Variants in CDH13 observed in about 807,000 individuals in gnomAD.
CDH13 encodes cadherin 13, also known as cadherin-13.
Under a neutral mutation model 63.8 loss-of-function variants are expected in CDH13, and 24 were observed. The observed-to-expected ratio is 0.38, with a 90% CI of 0.27 to 0.53. CDH13 has a LOEUF of 0.53. Among genes scored for constraint, CDH13 ranks in the 20% least tolerant of loss-of-function variants. The pLI, the probability that CDH13 is intolerant of heterozygous loss-of-function variation, is 0.85. For synonymous variants in CDH13, 503 were observed against 355.3 expected, an observed-to-expected ratio of 1.42 and a Z score of -4.67; for missense variants, 1,049 against 903.1, an observed-to-expected ratio of 1.16 and a Z score of -2.07.
chr16:83,619,499 G>A (rs567105368), intron 8 of CDH13, among the ~76,000 whole-genome samples: 1 of 152,366 alleles, frequency 6.6e-6, no homozygotes, highest in Non-Finnish European at 1.5e-5. Context: ...GGAGGCAGAA[G>A]TCCAAGAGCA....
intron 7 of CDH13, among the ~76,000 whole-genome samples, chr16:83,540,019 C>T (rs951864854): frequency 6.6e-6 from 1 of 151,786 alleles, no homozygotes; most frequent in Non-Finnish European, 1.5e-5. Context: ...GGTGGTTTGT[C>T]CTGGACAAGA....
chr16:83,509,687 C>A (rs915963863), intron 7 of CDH13, among the ~76,000 whole-genome samples: 7 of 152,174 alleles, frequency 4.6e-5, no homozygotes, highest in African/African-American at 1.4e-4. Flanking sequence ...GGGAATAAGA[C>A]AAATTTGATT....
intron 1 of CDH13, among the ~76,000 whole-genome samples, chr16:82,728,759 A>C (rs1311759127): frequency 6.6e-6 from 1 of 152,152 alleles, no homozygotes; most frequent in Non-Finnish European, 1.5e-5. Context: ...TTTCTTTTAC[A>C]AAAACTTTCT....
At chr16:83,585,547 A>G (rs1906065997) in intron 7 of CDH13, among the ~76,000 whole-genome samples, 1 of 152,054 alleles carries the variant, frequency 6.6e-6, no homozygotes. Context: ...ATTCAGCTGG[A>G]AATGTTGAAC....
chr16:83,643,841 C>G (rs891239787), intron 8 of CDH13, among the ~76,000 whole-genome samples: 4 of 152,244 alleles, frequency 2.6e-5, no homozygotes, highest in Middle Eastern at 3.4e-3. Flanking sequence ...CCTGGAGAGC[C>G]CCCCAAGTTT....
At chr16:83,724,052 G>A (rs948030486) in intron 10 of CDH13, among the ~76,000 whole-genome samples, 3 of 151,710 alleles carry the variant, frequency 2.0e-5, no homozygotes, top group African/African-American at 7.3e-5. Context: ...AGTGGTGAAT[G>A]CGTGGGTGAG....
At chr16:83,384,166 C>G (rs1019814247) in intron 6 of CDH13, among the ~76,000 whole-genome samples, 6 of 152,148 alleles carry the variant, frequency 3.9e-5, no homozygotes, top group Admixed American at 3.3e-4. Flanking sequence ...TTCTAGCCCT[C>G]CTACCTTTCG....
chr16:83,645,983 G>A (rs371520127), intron 8 of CDH13, among the ~76,000 whole-genome samples: 5 of 152,280 alleles, frequency 3.3e-5, no homozygotes, highest in African/African-American at 1.2e-4. Context: ...TAAACTGGGG[G>A]AAATGTCTGC....
At chr16:83,136,650 G>T (rs1186285978) in intron 4 of CDH13, among the ~76,000 whole-genome samples, 1 of 152,110 alleles carries the variant, frequency 6.6e-6, no homozygotes, top group Admixed American at 6.5e-5. Flanking sequence ...CTTCTCTGCC[G>T]GACAGCTTCA....
At chr16:82,684,339 G>T (rs1319604878) in intron 1 of CDH13, among the ~76,000 whole-genome samples, 3 of 152,180 alleles carry the variant, frequency 2.0e-5, no homozygotes, top group African/African-American at 7.2e-5. Context: ...TGGGTCATCA[G>T]TCCCTTAGAT....
At chr16:83,021,567 G>C (rs1486695173) in intron 2 of CDH13, among the ~76,000 whole-genome samples, 1 of 152,142 alleles carries the variant, frequency 6.6e-6, no homozygotes. Flanking sequence ...AGGGTTACAT[G>C]GCAAAAATAG....
chr16:83,673,061 A>C (rs911046659), intron 9 of CDH13, among the ~76,000 whole-genome samples: 1 of 152,212 alleles, frequency 6.6e-6, no homozygotes, highest in Non-Finnish European at 1.5e-5. Context: ...TGAATAATAT[A>C]CAGTACTATA....
intron 4 of CDH13, among the ~76,000 whole-genome samples, chr16:83,188,961 T>C (rs950766585): frequency 2.0e-5 from 3 of 152,170 alleles, no homozygotes; most frequent in Non-Finnish European, 2.9e-5. Flanking sequence ...TTTTTAACTT[T>C]AGCTGTGACA....
chr16:82,999,684 C>A (rs1393395200), intron 2 of CDH13, among the ~76,000 whole-genome samples: 2 of 152,098 alleles, frequency 1.3e-5, no homozygotes, highest in African/African-American at 4.8e-5. Flanking sequence ...AAGTATTAAA[C>A]AAATGACATG....
chr16:83,294,993 G>C (rs985967540), intron 5 of CDH13, among the ~76,000 whole-genome samples: 2 of 152,074 alleles, frequency 1.3e-5, no homozygotes, highest in African/African-American at 4.8e-5. Context: ...CTACAAAGCT[G>C]TAACAACCAA....
intron 1 of CDH13, among the ~76,000 whole-genome samples, chr16:82,649,677 G>A (rs994507464): frequency 6.6e-6 from 1 of 152,052 alleles, no homozygotes; most frequent in Non-Finnish European, 1.5e-5. Context: ...GAAGGAGAGG[G>A]GATGTAAGAG....
At chr16:83,782,927 A>G (rs553578432) in intron 12 of CDH13, among the ~76,000 whole-genome samples, 6 of 152,006 alleles carry the variant, frequency 3.9e-5, no homozygotes, top group Admixed American at 6.6e-5. Context: ...TTGGTAATCA[A>G]TCATCTTCAT....
At chr16:83,310,056 C>G (rs931560256) in intron 5 of CDH13, among the ~76,000 whole-genome samples, 2 of 152,154 alleles carry the variant, frequency 1.3e-5, no homozygotes, top group Non-Finnish European at 2.9e-5. Flanking sequence ...ATAATTCCGA[C>G]ATACTTCTTT....
chr16:83,429,841 A>G lies in CDH13; in HGVS notation c.782-56636A>G, dbSNP rs192360834. On this transcript the variant is annotated intron_variant, in intron 6 of 13. Transcript: ENST00000567109. ...AATATTTTTGAGTAGACAATCCATT[A>G]TTGTGTACACAAGCTATCTGGAGCT... is the stretch of plus-strand genomic sequence containing the variant. 2.4e-4 allele frequency among the ~76,000 whole-genome samples: 36 copies of G among 152,310 alleles called. 1 individual carries two copies. The East Asian group carries it at 6.6e-3, about 28-fold the overall frequency.
Sources: gnomAD v4.1 joint callset for allele counts (sites outside exome capture counted in the v4.1 genomes callset) on GRCh38, gnomAD v4.1.1 for gene constraint, MANE v1.5 for transcripts, NCBI Gene and HGNC (gene_info 2026-07-23, HGNC 2026-07-21) for gene names.